The following CLRN1 variants were observed in gnomAD, a reference collection of about 807,000 sequenced individuals.
CLRN1 encodes the protein clarin-1.
A neutral mutation model predicts 18.7 loss-of-function variants in CLRN1; 15 were observed. The observed-to-expected ratio is 0.80, with a 90% CI of 0.54 to 1.23. The LOEUF (loss-of-function observed/expected upper bound fraction) is 1.23. Ranked by LOEUF, CLRN1 falls within the 50% of genes most tolerant of loss-of-function variation. The probability of loss-of-function intolerance (pLI) is 0.00; values close to 1 mark genes in which losing one functional copy is unlikely to be tolerated. For missense variants in CLRN1, 311 were observed against 277.5 expected (o/e 1.12, Z -0.86); for synonymous variants, 104 against 102.9 (o/e 1.01, Z -0.07).
Position 150,972,579 on chromosome 3 carries a change from C to G in CLRN1, c.130G>C (p.Ala44Pro), listed in dbSNP as rs1559996235. The change falls in exon 1 of 3, where the codon GCT becomes CCT. Residue 44 changes from alanine to proline, a missense_variant. Ala to Pro is a conservative substitution (Grantham distance 27). Coordinates refer to ENST00000327047, the MANE Select transcript of CLRN1 (RefSeq NM_174878.3). The stretch of plus-strand genomic sequence containing the variant: ...TGCCCTGAGGCATTGACGAGCAGAG[C>G]TCCCGTTTTGCAGAGGACAGTGGCT... ...IKATVLCKTGALLVNASGQEL... is the reference protein window; with the variant it reads ...IKATVLCKTGPLLVNASGQEL... 6.2e-7 allele frequency: 1 copy of G among 1,614,264 alleles called. No individual in the cohort carries two copies. Among genetic ancestry groups the G allele is most frequent in the South Asian group, 1.1e-5 (1 of 91,090 alleles).
At position 150,932,037 on chromosome 3, in the gene CLRN1, G is replaced by C. The variant is rs74851813; in HGVS notation, c.434-3836C>G. Among the ~76,000 whole-genome samples, 96 of 152,156 alleles carry C rather than the reference G, an allele frequency of 6.3e-4. No homozygotes were observed. In the East Asian group the frequency reaches 0.018, roughly 29 times the overall value. ...TGTCTGATTTCCCCACCATCTGTCT[G>C]GTACTGTAGGTTTTTTTTTTCTTCC... is the stretch of plus-strand genomic sequence containing the variant. On this transcript the variant is annotated intron_variant, in intron 2 of 2. Coordinates refer to ENST00000327047, the MANE Select transcript of CLRN1 (RefSeq NM_174878.3).
In CLRN1 at chr3:150,926,866, T is replaced by G. The variant is rs753961230; in HGVS notation, c.*1070A>C. 23 of 1,613,958 alleles carry G rather than the reference T, an allele frequency of 1.4e-5. No homozygotes were observed. Reference sequence around the variant, plus strand: ...CAGTTCCAGGCTCAGCTGTGGCCTTTAGTCAGCTGCAGATCAATTTGATGG... The same window carrying G: ...CAGTTCCAGGCTCAGCTGTGGCCTTGAGTCAGCTGCAGATCAATTTGATGG... On this transcript the variant is annotated 3_prime_UTR_variant, in exon 3 of 3. Coordinates refer to ENST00000327047, the MANE Select transcript of CLRN1 (RefSeq NM_174878.3).
intron 1 of CLRN1, among the ~76,000 whole-genome samples, chr3:150,949,386 G>A (rs1714359464): frequency 6.6e-6 from 1 of 152,048 alleles, no homozygotes. Context: ...AGAAATAAAG[G>A]GCATCCAAGT....
At chr3:150,958,557 A>G (rs1014982557) in intron 1 of CLRN1, among the ~76,000 whole-genome samples, 2 of 152,128 alleles carry the variant, frequency 1.3e-5, no homozygotes, top group African/African-American at 4.8e-5. Context: ...ACTCTCACGC[A>G]TCGTCTGTAC....
At chr3:150,969,425 C>T (rs532695399) in intron 1 of CLRN1, among the ~76,000 whole-genome samples, 6 of 141,848 alleles carry the variant, frequency 4.2e-5, no homozygotes, top group East Asian at 2.3e-4. Context: ...CTCCCGGGTT[C>T]GTGCCATTCT....
At chr3:150,937,115 A>G (rs1322174768) in intron 2 of CLRN1, among the ~76,000 whole-genome samples, 1 of 152,162 alleles carries the variant, frequency 6.6e-6, no homozygotes, top group Non-Finnish European at 1.5e-5. Context: ...TGTCTGATAG[A>G]TGATTTACCT....
rs564545961 is a variant in CLRN1, at chr3:150,926,904, A to G, written c.*1032T>C. On this transcript the variant is annotated 3_prime_UTR_variant, in exon 3 of 3. Coordinates refer to ENST00000327047, the MANE Select transcript of CLRN1 (RefSeq NM_174878.3). ...ATCAATTTGATGGGTAATTCAGGGG[A>G]AAAAAAAAGTTGACCTGGGTCATGC... 156 of 1,608,072 alleles carry G rather than the reference A, an allele frequency of 9.7e-5. 1 individual carries two copies. Among genetic ancestry groups the G allele is most frequent in the South Asian group, 6.4e-4 (58 of 90,638 alleles).
intron 1 of CLRN1, among the ~76,000 whole-genome samples, chr3:150,971,418 G>A (rs576670107): frequency 1.1e-4 from 16 of 152,184 alleles, no homozygotes; most frequent in African/African-American, 3.6e-4. Flanking sequence ...TATAAGGAAT[G>A]TTGCAGAAAT....
intron 1 of CLRN1, chr3:150,945,489 C>A (rs1482244921): frequency 7.8e-7 from 1 of 1,283,730 alleles, no homozygotes; most frequent in Non-Finnish European, 1.0e-6. Flanking sequence ...AAGCCCTTTG[C>A]CACCGCTGGA....
intron 2 of CLRN1, chr3:150,940,516 G>A: frequency 2.0e-6 from 3 of 1,534,472 alleles, no homozygotes; most frequent in Admixed American, 2.0e-5. Flanking sequence ...CAGCCAAAGG[G>A]CAACTTCAGG....
At chr3:150,945,760 T>C in intron 1 of CLRN1, 1 of 777,216 alleles carries the variant, frequency 1.3e-6, no homozygotes, top group Non-Finnish European at 1.8e-6. Context: ...TGAAAGCATT[T>C]AGCAATATCC....
chr3:150,965,645 G>A (rs1478973711), intron 1 of CLRN1, among the ~76,000 whole-genome samples: 7 of 152,110 alleles, frequency 4.6e-5, no homozygotes, highest in Non-Finnish European at 7.4e-5. Context: ...CCTTCAATAG[G>A]TAAAGTTCAT....
At chr3:150,972,892 A>G (rs1417838998), upstream of CLRN1, 1 of 776,228 alleles carries the variant, frequency 1.3e-6, no homozygotes, top group African/African-American at 1.7e-5. Flanking sequence ...CCTCATCATC[A>G]CTCATACTTG....
At chr3:150,950,074 C>T (rs1714402789) in intron 1 of CLRN1, among the ~76,000 whole-genome samples, 1 of 152,058 alleles carries the variant, frequency 6.6e-6, no homozygotes. Context: ...ATACTCCTTA[C>T]TCAATAAATA....
intron 1 of CLRN1, among the ~76,000 whole-genome samples, chr3:150,957,768 C>T (rs985059873): frequency 6.6e-6 from 1 of 152,192 alleles, no homozygotes; most frequent in African/African-American, 2.4e-5. Flanking sequence ...AAGCAATTCT[C>T]CTGCCTCAGC....
chr3:150,957,318 G>T (rs1714793229), intron 1 of CLRN1, among the ~76,000 whole-genome samples: 1 of 151,498 alleles, frequency 6.6e-6, no homozygotes, highest in Admixed American at 6.6e-5. Context: ...GCTATTTCCT[G>T]ATCTCAGTCT....
At chr3:150,942,730 C>T in intron 1 of CLRN1, 1 of 322,988 alleles carries the variant, frequency 3.1e-6, no homozygotes, top group Middle Eastern at 4.2e-4. Context: ...TGCTTTTCCC[C>T]CTTTTACGCA....
Position 150,945,133 on chromosome 3 carries a change from T to C in CLRN1, c.254-3372A>G, listed in dbSNP as rs530296674. Among the ~76,000 whole-genome samples the C allele has an allele frequency of 4.1e-4, 63 of 152,282 alleles. No homozygotes were observed. In the South Asian group the frequency reaches 0.013, roughly 32 times the overall value. ...CCTTAAACTTTATGTGCTAAGTGCCTCAATGACCTCTCCCTAGTCCTAGCC... is the reference window on the plus strand; with the variant it reads ...CCTTAAACTTTATGTGCTAAGTGCCCCAATGACCTCTCCCTAGTCCTAGCC... On this transcript the variant is annotated intron_variant, in intron 1 of 2. Coordinates refer to ENST00000327047, the MANE Select transcript of CLRN1 (RefSeq NM_174878.3).
upstream of CLRN1, chr3:150,972,769 A>G (rs1172128592): frequency 3.1e-6 from 5 of 1,611,854 alleles, no homozygotes; most frequent in Admixed American, 1.7e-5. Context: ...AGCAATGGGA[A>G]GGGACTGCCT....
Sources: gnomAD v4.1 joint callset for allele counts (sites outside exome capture counted in the v4.1 genomes callset) on GRCh38, gnomAD v4.1.1 for gene constraint, MANE v1.5 for transcripts, NCBI Gene and HGNC (gene_info 2026-07-23, HGNC 2026-07-21) for gene names.